The following LRRFIP1 variants were observed in gnomAD, a reference collection of about 807,000 sequenced individuals.
LRRFIP1 encodes the protein leucine-rich repeat flightless-interacting protein 1.
Under a neutral mutation model 104.4 loss-of-function variants are expected in LRRFIP1, and 62 were observed. The observed-to-expected ratio is 0.59, with a 90% CI of 0.48 to 0.73. The LOEUF (loss-of-function observed/expected upper bound fraction) is 0.73, where lower values mean the gene tolerates loss of function less well. Among genes scored for constraint, LRRFIP1 ranks in the 30% least tolerant of loss-of-function variants. LRRFIP1 has a pLI of 0.00. For missense variants in LRRFIP1, 796 were observed against 824.5 expected, an observed-to-expected ratio of 0.97 and a Z score of 0.42; for synonymous variants, 300 against 299.0, an observed-to-expected ratio of 1.00 and a Z score of -0.03.
intron 10 of LRRFIP1, among the ~76,000 whole-genome samples, chr2:237,736,176 G>A (rs1490948802): frequency 1.3e-5 from 2 of 152,116 alleles, no homozygotes; most frequent in African/African-American, 4.8e-5. Flanking sequence ...AATTCTTATG[G>A]TGTAAGCCAG....
chr2:237,762,698 G>T (rs758402368), intron 19 of LRRFIP1: 1 of 1,614,078 alleles, frequency 6.2e-7, no homozygotes, highest in Non-Finnish European at 8.5e-7. Flanking sequence ...ACACACAGAG[G>T]ACACAGTGAA....
At chr2:237,653,115 C>T (rs765654466) in intron 1 of LRRFIP1, among the ~76,000 whole-genome samples, 1 of 152,166 alleles carries the variant, frequency 6.6e-6, no homozygotes, top group Non-Finnish European at 1.5e-5. Context: ...CCCAGCCATG[C>T]TTCCTGTATA....
intron 1 of LRRFIP1, among the ~76,000 whole-genome samples, chr2:237,628,267 C>G (rs1316123320): frequency 6.6e-6 from 1 of 152,218 alleles, no homozygotes; most frequent in Non-Finnish European, 1.5e-5. Flanking sequence ...ACTTGGGGAT[C>G]ACTGTGATTT....
Position 237,735,354 on chromosome 2 carries a change from C to T in LRRFIP1, c.555+21C>T. 5 of 1,609,304 alleles carry T rather than the reference C, an allele frequency of 3.1e-6. No homozygotes were observed. The highest frequency in any genetic ancestry group is 4.2e-6 in the Non-Finnish European group (5 of 1,178,492). On this transcript the variant is annotated intron_variant, in intron 10 of 23. Coordinates refer to ENST00000308482, the MANE Select transcript of LRRFIP1 (RefSeq NM_001137550.2). The surrounding 1 kb of genome is among the most constrained non-coding windows in gnomAD (Gnocchi z 4.6). Reference sequence around the variant, plus strand: ...GTGCTGTAAGGCGCTTTCGGTGATACCTCCTTTCCCCCGTGCCTGCTGCAT... The same window carrying T: ...GTGCTGTAAGGCGCTTTCGGTGATATCTCCTTTCCCCCGTGCCTGCTGCAT...
intron 14 of LRRFIP1, among the ~76,000 whole-genome samples, chr2:237,751,815 T>A (rs569372533): frequency 1.3e-5 from 2 of 152,160 alleles, no homozygotes; most frequent in Non-Finnish European, 2.9e-5. Context: ...GCTTTTAGAG[T>A]GTGCAGTGAC....
chr2:237,658,276 G>A (rs1288267125), intron 1 of LRRFIP1, among the ~76,000 whole-genome samples: 2 of 152,156 alleles, frequency 1.3e-5, no homozygotes, highest in African/African-American at 2.4e-5. Flanking sequence ...AAACACTACT[G>A]AGAAACCAAA....
At chr2:237,639,026 T>C (rs1026874799) in intron 1 of LRRFIP1, among the ~76,000 whole-genome samples, 1 of 152,184 alleles carries the variant, frequency 6.6e-6, no homozygotes, top group Non-Finnish European at 1.5e-5. Flanking sequence ...GAAAGAGGAA[T>C]GCTATCGTGT....
chr2:237,769,815 C>A, intron 19 of LRRFIP1, 128 bp from the exon 20 acceptor site: 1 of 740,274 alleles, frequency 1.4e-6, no homozygotes, highest in South Asian at 1.6e-5. Context: ...CCTCATTCAC[C>A]GTGGTACGTG....
chr2:237,689,102 G>T (rs1398416571), intron 1 of LRRFIP1, among the ~76,000 whole-genome samples: 1 of 151,816 alleles, frequency 6.6e-6, no homozygotes, highest in African/African-American at 2.4e-5. Context: ...TCAGAAGGGG[G>T]CTTCAAGAAG....
intron 1 of LRRFIP1, among the ~76,000 whole-genome samples, chr2:237,706,033 A>AT (rs1374413654): frequency 3.3e-5 from 5 of 152,192 alleles, no homozygotes; most frequent in Non-Finnish European, 7.4e-5. Flanking sequence ...GATTTTAATT[A>AT]TTTTTTTAAT....
chr2:237,701,523 T>C (rs1207626895), intron 1 of LRRFIP1, among the ~76,000 whole-genome samples: 1 of 152,248 alleles, frequency 6.6e-6, no homozygotes, highest in Admixed American at 6.5e-5. Context: ...CTCTCTCTGG[T>C]TCTCCTTGGC....
chr2:237,725,038 C>T (rs1260019444), intron 7 of LRRFIP1, among the ~76,000 whole-genome samples: 1 of 152,174 alleles, frequency 6.6e-6, no homozygotes, highest in Admixed American at 6.5e-5. Flanking sequence ...GATAACACTG[C>T]GTGGTAGCCA....
chr2:237,776,093 C>G (rs1173361710), intron 23 of LRRFIP1, among the ~76,000 whole-genome samples: 2 of 151,962 alleles, frequency 1.3e-5, no homozygotes, highest in African/African-American at 4.8e-5. Flanking sequence ...CTCGAGTAGC[C>G]GGAAATACAG....
rs758793731 is a variant in LRRFIP1 at position 237,739,113 on chromosome 2, G to A, written c.556-119G>A. On this transcript the variant is annotated intron_variant, in intron 10 of 23. Transcript: ENST00000308482. ...CCTAACTCTCTTTTCCTTGCCGTGC[G>A]TGGCTAACCTCACCACTTACTGCAG... 3.0e-5 allele frequency: 23 copies of A among 778,290 alleles called. 1 individual carries two copies. Among genetic ancestry groups the A allele is most frequent in the South Asian group, 2.9e-4 (18 of 62,092 alleles). The allele number at this position is 778,290 out of a possible 1,614,324, so 48.2% of individuals were successfully genotyped here.
intron 1 of LRRFIP1, among the ~76,000 whole-genome samples, chr2:237,697,432 C>T (rs1025788769): frequency 2.6e-5 from 4 of 152,168 alleles, no homozygotes; most frequent in East Asian, 1.9e-4. Context: ...CTGCTTATGT[C>T]GGCATACACC....
Position 237,714,274 on chromosome 2 carries a change from A to C in LRRFIP1, c.199A>C (p.Lys67Gln). The change falls in exon 3 of 24, where the codon AAG becomes CAG. Residue 67 changes from lysine to glutamine, a missense_variant and splice_region_variant. Lys to Gln is a moderately conservative substitution (Grantham distance 53, BLOSUM62 1). Coordinates refer to ENST00000308482, the MANE Select transcript of LRRFIP1 (RefSeq NM_001137550.2). ...RQQKEIYQVQ[K>Q]KYYGLDTKWG... ...TTCTCTATAGATCTATCAGGTCCAA[A>C]AGGTAGGCTCTTCTTTCTTTATTTT... is the stretch of plus-strand genomic sequence containing the variant. The C allele has an allele frequency of 6.2e-7, 1 of 1,600,484 alleles. No individual in the cohort carries two copies. Among genetic ancestry groups the C allele is most frequent in the Non-Finnish European group, 8.5e-7 (1 of 1,170,820 alleles).
Position 237,717,683 on chromosome 2 carries a change from T to C in LRRFIP1, c.202-79T>C. Reference sequence around the variant, plus strand: ...GGCTGGATGGCGGTTTGGAAATGCATGTCAGAACAGTGCCTTAGACAACTG... The same window carrying C: ...GGCTGGATGGCGGTTTGGAAATGCACGTCAGAACAGTGCCTTAGACAACTG... On this transcript the variant is annotated intron_variant, in intron 3 of 23. Coordinates refer to ENST00000308482, the MANE Select transcript of LRRFIP1 (RefSeq NM_001137550.2). The surrounding 1 kb of genome is among the most constrained non-coding windows in gnomAD (Gnocchi z 4.2). 6.4e-6 allele frequency: 7 copies of C among 1,090,242 alleles called. 1 individual carries two copies. Among genetic ancestry groups the C allele is most frequent in the South Asian group, 6.2e-5 (5 of 80,604 alleles). The allele number at this position is 1,090,242 out of a possible 1,614,324, so 67.5% of individuals were successfully genotyped here.
chr2:237,723,679 T>G, intron 7 of LRRFIP1, 93 bp downstream of exon 7: 1 of 1,512,316 alleles, frequency 6.6e-7, no homozygotes, highest in South Asian at 1.1e-5. Flanking sequence ...ATGGGTGCTT[T>G]GTCTCCAGTT....
At chr2:237,745,480 C>T (rs2057715989) in intron 11 of LRRFIP1, among the ~76,000 whole-genome samples, 1 of 152,142 alleles carries the variant, frequency 6.6e-6, no homozygotes, top group African/African-American at 2.4e-5. Context: ...ATAAAAACAG[C>T]AAACTATGGT....
Sources: gnomAD v4.1 joint callset for allele counts (sites outside exome capture counted in the v4.1 genomes callset) on GRCh38, gnomAD v4.1.1 for gene constraint, Gnocchi (gnomAD v3.1) non-coding constraint, MANE v1.5 for transcripts, NCBI Gene and HGNC (gene_info 2026-07-23, HGNC 2026-07-21) for gene names.